UQCC1: variants seen among roughly 807,000 people sequenced by gnomAD.
The protein encoded by UQCC1 is ubiquinol-cytochrome c reductase complex assembly factor 1.
A neutral mutation model predicts 48.0 loss-of-function variants in UQCC1; 38 were observed. The observed-to-expected ratio is 0.79, with a 90% confidence interval of 0.61 to 1.04. The LOEUF is 1.04. Ranked by LOEUF, UQCC1 falls within the 50% of genes least tolerant of loss-of-function variation. The probability of loss-of-function intolerance (pLI) is 0.00; values close to 1 mark genes in which losing one functional copy is unlikely to be tolerated. For missense variants in UQCC1, 368 were observed against 381.8 expected (o/e 0.96, Z 0.30); for synonymous variants, 111 against 129.2 (o/e 0.86, Z 0.95).
chr20:35,307,351 A>G (rs1400168092), intron 8 of UQCC1, among the ~76,000 whole-genome samples: 1 of 152,154 alleles, frequency 6.6e-6, no homozygotes, highest in Non-Finnish European at 1.5e-5. Context: ...GGGGAACAGG[A>G]TGTTCAGCAG....
chr20:35,321,358 A>G (rs2061127247), intron 7 of UQCC1, among the ~76,000 whole-genome samples: 1 of 152,200 alleles, frequency 6.6e-6, no homozygotes. Context: ...TACCAAGAAT[A>G]AAAAGAAAAA....
intron 7 of UQCC1, among the ~76,000 whole-genome samples, chr20:35,316,746 C>T (rs561440230): frequency 5.3e-5 from 8 of 152,184 alleles, no homozygotes; most frequent in South Asian, 4.2e-4. Context: ...TCACAGCATT[C>T]TCCTGCCTCA....
intron 2 of UQCC1, among the ~76,000 whole-genome samples, chr20:35,389,160 C>T (rs1868680183): frequency 6.6e-6 from 1 of 152,092 alleles, no homozygotes; most frequent in African/African-American, 2.4e-5. Flanking sequence ...CAGCATGAAC[C>T]TGAAACATCT....
At chr20:35,344,521 G>A (rs2061412553) in intron 7 of UQCC1, 1 of 152,268 alleles carries the variant, frequency 6.6e-6, no homozygotes, top group South Asian at 2.1e-4. Flanking sequence ...GTCAGCCAGG[G>A]CTTTGGCTGA....
chr20:35,393,509 C>T (rs1601011144), intron 2 of UQCC1, among the ~76,000 whole-genome samples: 1 of 123,978 alleles, frequency 8.1e-6, no homozygotes, highest in Admixed American at 9.1e-5. Context: ...CACAAACACA[C>T]ACACACACAC....
chr20:35,405,532 C>CA (rs1475867554), intron 1 of UQCC1, among the ~76,000 whole-genome samples: 1 of 152,148 alleles, frequency 6.6e-6, no homozygotes, highest in Non-Finnish European at 1.5e-5. Context: ...AGGCAGCAGA[C>CA]AAAGAGATTT....
rs925152690 is a variant in UQCC1 at position 35,366,501 on chromosome 20, A to G, written c.464+56T>C. 5 of 1,508,230 alleles carry G rather than the reference A, an allele frequency of 3.3e-6. No homozygotes were observed. The African/African-American group carries it at 6.9e-5, about 21-fold the overall frequency. 93.4% of individuals were successfully genotyped at this position (1,508,230 alleles called of 1,614,324 possible). On this transcript the variant is annotated intron_variant, in intron 6 of 9. Coordinates refer to ENST00000374385, the MANE Select transcript of UQCC1 (RefSeq NM_018244.5). ...GCCCTCCTGAAGGCTATACCTTACA[A>G]GTCAGCAGTGTTTAAAAAAATACAT...
intron 7 of UQCC1, among the ~76,000 whole-genome samples, chr20:35,335,166 A>C (rs915726361): frequency 1.3e-5 from 2 of 152,252 alleles, no homozygotes; most frequent in African/African-American, 2.4e-5. Context: ...CTAGGAATTC[A>C]AACAACTTGA....
intron 7 of UQCC1, among the ~76,000 whole-genome samples, chr20:35,338,892 A>AAAAAAATAT (rs1555805500): frequency 3.3e-5 from 1 of 30,560 alleles, no homozygotes; most frequent in Non-Finnish European, 4.8e-5. Context: ...AAAAAAAAAA[A>AAAAAAATAT]ATATATATAT....
intron 7 of UQCC1, among the ~76,000 whole-genome samples, chr20:35,322,988 C>T (rs2061148362): frequency 6.6e-6 from 1 of 152,100 alleles, no homozygotes; most frequent in Admixed American, 6.6e-5. Context: ...GCTGGGACTA[C>T]AGGCGCCTAC....
chr20:35,394,095 G>C lies in UQCC1; in HGVS notation c.126C>G (p.Ser42=), dbSNP rs188346534. The change falls in exon 2 of 10, where the codon TCC becomes TCG. Residue 42 remains serine (S), a synonymous_variant. Transcript: ENST00000374385. Reference sequence around the variant, plus strand: ...GCAAAAGAACAACAAATCTTACCTGGGAAGTGCGAGACAGAGCCCTGTCCC... The same window carrying C: ...GCAAAAGAACAACAAATCTTACCTGCGAAGTGCGAGACAGAGCCCTGTCCC... ...GQGDRALSRT[S]QWPQMSQSRA... 10 of 1,612,902 alleles carry C rather than the reference G, an allele frequency of 6.2e-6. No homozygotes were observed. Among genetic ancestry groups the C allele is most frequent in the Non-Finnish European group, 8.5e-6 (10 of 1,179,122 alleles).
chr20:35,394,247 A>G, intron 1 of UQCC1, 51 bp from the exon 2 acceptor site: 2 of 1,481,182 alleles, frequency 1.4e-6, no homozygotes, highest in Non-Finnish European at 1.9e-6. Flanking sequence ...TACTCCCTAC[A>G]TGGAAGGCAA....
intron 1 of UQCC1, chr20:35,409,395 G>T (rs745355763): frequency 7.6e-5 from 12 of 158,618 alleles, no homozygotes; most frequent in Middle Eastern, 5.9e-3. Flanking sequence ...GCTTGAACCC[G>T]GGAGGCAGAG....
Position 35,303,132 on chromosome 20 carries a change from G to A in UQCC1, c.*803C>T, listed in dbSNP as rs913425110. 2 of 152,212 alleles carry A rather than the reference G, an allele frequency of 1.3e-5. No individual in the cohort carries two copies. The highest frequency in any genetic ancestry group is 2.9e-5 in the Non-Finnish European group (2 of 68,046). 9.4% of individuals were successfully genotyped at this position (152,212 alleles called of 1,614,324 possible). ...CTCCCCAGTATCTCATGAAAGGGGA[G>A]GCCAAGACAGGAGACAGCATGTTCC... On this transcript the variant is annotated 3_prime_UTR_variant, in exon 10 of 10. Coordinates refer to ENST00000374385, the MANE Select transcript of UQCC1 (RefSeq NM_018244.5).
At chr20:35,391,012 G>A (rs1485078560) in intron 2 of UQCC1, among the ~76,000 whole-genome samples, 3 of 151,604 alleles carry the variant, frequency 2.0e-5, no homozygotes, top group African/African-American at 7.3e-5. Context: ...CCTGGCCAAC[G>A]TGGCAAAACC....
At chr20:35,328,304 C>T (rs1600881727) in intron 7 of UQCC1, among the ~76,000 whole-genome samples, 1 of 152,180 alleles carries the variant, frequency 6.6e-6, no homozygotes, top group African/African-American at 2.4e-5. Flanking sequence ...AGATTAATCA[C>T]TCTGAGCCTC....
chr20:35,358,204 A>G (rs970277546), intron 6 of UQCC1, among the ~76,000 whole-genome samples: 3 of 151,874 alleles, frequency 2.0e-5, no homozygotes, highest in Non-Finnish European at 4.4e-5. Context: ...AAATACAAAA[A>G]TTAGCTGGGC....
chr20:35,394,190 G>A lies in UQCC1; in HGVS notation c.31C>T (p.Gln11Ter), dbSNP rs760884167. MALLVRVLRN[Q>*]TSISQWVPVC... is the part of the protein sequence containing the mutation. ...GGAACCCACTGAGAAATGCTAGTCT[G>A]GTTCCTCTAAAGAAAGAAAATAATA... The change falls in exon 2 of 10, where the codon CAG (glutamine) becomes TAG (stop). Residue 11 changes from glutamine (Q) to a stop codon, truncating the protein, a stop_gained. Transcript: ENST00000374385. LOFTEE classifies it high-confidence loss of function. 6.2e-7 allele frequency: 1 copy of A among 1,613,630 alleles called. No individual in the cohort carries two copies. The highest frequency in any genetic ancestry group is 8.5e-7 in the Non-Finnish European group (1 of 1,179,694).
intron 1 of UQCC1, among the ~76,000 whole-genome samples, chr20:35,400,742 G>A (rs1483798957): frequency 2.0e-5 from 3 of 152,020 alleles, no homozygotes; most frequent in South Asian, 2.1e-4. Context: ...TGATCCGCCC[G>A]CCTCGGCCTC....
Sources: allele counts gnomAD v4.1 joint callset (sites outside exome capture counted in the v4.1 genomes callset), GRCh38; gene constraint gnomAD v4.1.1; transcripts MANE v1.5; gene names NCBI Gene and HGNC (gene_info 2026-07-23, HGNC 2026-07-21).